The following HIP1R variants were observed in gnomAD, a reference collection of about 807,000 sequenced individuals.
HIP1R encodes huntingtin interacting protein 1 related.
A neutral mutation model predicts 144.2 loss-of-function variants in HIP1R; 135 were observed. The ratio of observed to expected loss-of-function variants is 0.94; its 90% confidence interval spans 0.81 to 1.08. The LOEUF (loss-of-function observed/expected upper bound fraction) is 1.08, where lower values mean the gene tolerates loss of function less well. Among genes scored for constraint, HIP1R ranks in the 50% least tolerant of loss-of-function variants. The pLI is 0.00. For missense variants in HIP1R, 1,462 were observed against 1,432.8 expected (o/e 1.02, Z -0.33); for synonymous variants, 698 against 612.8 (o/e 1.14, Z -2.05).
At position 122,862,351 on chromosome 12, in the gene HIP1R, T is replaced by TG. The variant is rs1374224465; in HGVS notation, c.*601dup. On this transcript the variant is annotated 3_prime_UTR_variant, in exon 32 of 32. Coordinates refer to ENST00000253083, the MANE Select transcript of HIP1R (RefSeq NM_003959.3). ...AGGCCTGGCCCTCGGGCCTCCGTGA[T>TG]GGGAGCCCCCCAGGAGGGGTCAGAT... 7 of 152,412 alleles carry TG rather than the reference T, an allele frequency of 4.6e-5. No individual in the cohort carries two copies. Among genetic ancestry groups the TG allele is most frequent in the Admixed American group, 2.0e-4 (3 of 15,290 alleles). The allele number at this position is 152,412 out of a possible 1,614,324, so 9.4% of individuals were successfully genotyped here.
In HIP1R at chr12:122,848,104, G is replaced by A; in HGVS notation, c.157+10G>A. Reference sequence around the variant, plus strand: ...GAGAAGCACGCCCGGCGTATCCTTGGCCGGCTCTTGGACCCAGGAGTTGGG... The same window carrying A: ...GAGAAGCACGCCCGGCGTATCCTTGACCGGCTCTTGGACCCAGGAGTTGGG... On this transcript the variant is annotated intron_variant, in intron 2 of 31. Coordinates refer to ENST00000253083, the MANE Select transcript of HIP1R (RefSeq NM_003959.3). 1 of 1,613,158 alleles carries A rather than the reference G, an allele frequency of 6.2e-7. No homozygotes were observed. The highest frequency in any genetic ancestry group is 8.5e-7 in the Non-Finnish European group (1 of 1,179,832).
At chr12:122,843,246 C>T (rs1178839747) in intron 1 of HIP1R, among the ~76,000 whole-genome samples, 1 of 152,196 alleles carries the variant, frequency 6.6e-6, no homozygotes, top group Non-Finnish European at 1.5e-5. Flanking sequence ...CTGGGAGGGG[C>T]CTGAGGGGCT....
At chr12:122,846,076 C>T (rs1020146799) in intron 1 of HIP1R, among the ~76,000 whole-genome samples, 2 of 152,222 alleles carry the variant, frequency 1.3e-5, no homozygotes, top group Non-Finnish European at 2.9e-5. Context: ...GGTGGCAGCT[C>T]AGGTGTCGGC....
At chr12:122,851,087 T>G in intron 6 of HIP1R, 149 bp from the exon 7 acceptor site, 1 of 855,408 alleles carries the variant, frequency 1.2e-6, no homozygotes. Flanking sequence ...TGGGGTGTAC[T>G]TGAAGGACTG....
chr12:122,841,860 A>G (rs1301674369), intron 1 of HIP1R, among the ~76,000 whole-genome samples: 1 of 152,128 alleles, frequency 6.6e-6, no homozygotes, highest in African/African-American at 2.4e-5. Context: ...CAACATTGTA[A>G]CCAGTGTCCT....
At position 122,838,288 on chromosome 12, in the gene HIP1R, G is replaced by A. The variant is rs570906669; in HGVS notation, c.93+2645G>A. Among the ~76,000 whole-genome samples the A allele has an allele frequency of 4.0e-5, 6 of 151,098 alleles. No individual in the cohort carries two copies. The East Asian group carries it at 1.2e-3, about 29-fold the overall frequency. On this transcript the variant is annotated intron_variant, in intron 1 of 31. Transcript: ENST00000253083. The stretch of plus-strand genomic sequence containing the variant: ...GGGAATGTCCAGAAAACCAGTGTAT[G>A]CTTTTCTTCCCTATGACTTTAGTCC...
rs1266602623 is a variant in HIP1R, at chr12:122,856,294, A to G, written c.1351A>G (p.Lys451Glu). ...CACGGAGGCGCGCTACAACAAGCTGAAGGAAAAGCACAGTGAGCTCGTCCA... is the reference window on the plus strand; with the variant it reads ...CACGGAGGCGCGCTACAACAAGCTGGAGGAAAAGCACAGTGAGCTCGTCCA... Reference protein sequence around the residue: ...SATEARYNKLKEKHSELVHVH... With the variant: ...SATEARYNKLEEKHSELVHVH... The change falls in exon 15 of 32, where the codon AAG (lysine) becomes GAG (glutamate). Residue 451 changes from lysine to glutamate, a missense_variant. Lys to Glu is a moderately conservative substitution (Grantham distance 56). This residue lies in a region of HIP1R where 1,112 missense variants were observed against 1,011.7 expected (regional missense o/e 1.10). Transcript: ENST00000253083. 1 of 1,613,726 alleles carries G rather than the reference A, an allele frequency of 6.2e-7. No homozygotes were observed. Among genetic ancestry groups the G allele is most frequent in the Non-Finnish European group, 8.5e-7 (1 of 1,179,974 alleles).
In HIP1R at chr12:122,835,642, A is replaced by G. The variant is rs1209327613; in HGVS notation, c.92A>G (p.Gln31Arg). The G allele has an allele frequency of 1.8e-6, 2 of 1,099,560 alleles. No individual in the cohort carries two copies. Among genetic ancestry groups the G allele is most frequent in the Non-Finnish European group, 1.1e-6 (1 of 907,860 alleles). 68.1% of individuals were successfully genotyped at this position (1,099,560 alleles called of 1,614,324 possible). The change falls in exon 1 of 32, where the codon CAG becomes CGG. Residue 31 changes from glutamine to arginine, a missense_variant and splice_region_variant. Gln to Arg is a conservative substitution (Grantham distance 43). This residue lies in a region of HIP1R where 350 missense variants were observed against 421.1 expected (regional missense o/e 0.83). Transcript: ENST00000253083. ...GAGCGCGAGCAGTTCGACAAGACCC[A>G]GGCGAGCGGGCGGCGGGCGGCGGGC... ...EAEREQFDKTQAISISKAINT... is the reference protein window; with the variant it reads ...EAEREQFDKTRAISISKAINT...
At chr12:122,847,457 A>C (rs987215413) in intron 1 of HIP1R, among the ~76,000 whole-genome samples, 1 of 152,212 alleles carries the variant, frequency 6.6e-6, no homozygotes, top group African/African-American at 2.4e-5. Flanking sequence ...TGCAGGTGGC[A>C]GCAGGAGCTT....
At chr12:122,857,750 G>A (rs1358584939) in intron 18 of HIP1R, 4 of 276,556 alleles carry the variant, frequency 1.4e-5, no homozygotes, top group Non-Finnish European at 2.7e-5. Flanking sequence ...GCTTATTATT[G>A]TCTTCTTTTT....
At chr12:122,857,273 G>A (rs777423723) in intron 18 of HIP1R, 58 bp downstream of exon 18, 229 of 1,465,574 alleles carry the variant, frequency 1.6e-4, no homozygotes, top group Admixed American at 2.0e-4. Flanking sequence ...GGCAACCATC[G>A]ATCTGTCTCC....
chr12:122,853,134 A>G (rs940374206), intron 7 of HIP1R, among the ~76,000 whole-genome samples: 3 of 152,132 alleles, frequency 2.0e-5, no homozygotes, highest in African/African-American at 7.2e-5. Context: ...TCTCTGCCCC[A>G]GAGAAGCTGC....
At chr12:122,860,019 C>T (rs768632856) in intron 24 of HIP1R, 28 bp from the exon 25 acceptor site, 4 of 1,545,060 alleles carry the variant, frequency 2.6e-6, no homozygotes, top group Middle Eastern at 1.8e-4. Flanking sequence ...TGCAGAGCGG[C>T]AGCTAAGTCT....
At chr12:122,860,878 T>C in intron 28 of HIP1R, 38 bp from the exon 29 acceptor site, 2 of 1,600,220 alleles carry the variant, frequency 1.2e-6, no homozygotes, top group Non-Finnish European at 1.7e-6. Context: ...TGCCCTGAGC[T>C]GGGAGACCTG....
At chr12:122,861,065 T>C in intron 29 of HIP1R, 26 bp downstream of exon 29, 2 of 1,613,538 alleles carry the variant, frequency 1.2e-6, no homozygotes, top group Non-Finnish European at 1.7e-6. Context: ...CAACGGGGGC[T>C]GCTGGCTCCC....
rs148689253 is a variant in HIP1R, at chr12:122,855,893, T to G, written c.1118T>G (p.Ile373Ser). 118 of 972,102 alleles carry G rather than the reference T, an allele frequency of 1.2e-4. No homozygotes were observed. In the African/African-American group the frequency reaches 2.3e-3, roughly 19 times the overall value. 60.2% of individuals were successfully genotyped at this position (972,102 alleles called of 1,614,324 possible). Residue 373 changes from isoleucine to serine, a missense_variant, in exon 13 of 32, where the codon ATC becomes AGC. By Grantham distance (142) the Ile-to-Ser change is moderately radical. Coordinates refer to ENST00000253083, the MANE Select transcript of HIP1R (RefSeq NM_003959.3). ...ATGCTCCGCTCTGAACTGGAGAAGA[T>G]CAAGCTGGAGGTGCGGGGTGGGGAT... ...VEMLRSELEK[I>S]KLEAQRYIAQ...
At position 122,851,319 on chromosome 12, in the gene HIP1R, C is replaced by T. The variant is rs368779428; in HGVS notation, c.577+22C>T. Reference sequence around the variant, plus strand: ...TCAGGTGAGCCGTAAAGAGGGGATGCGGGGGTCTGAGTGTATTGCTAAGTC... The same window carrying T: ...TCAGGTGAGCCGTAAAGAGGGGATGTGGGGGTCTGAGTGTATTGCTAAGTC... On this transcript the variant is annotated intron_variant, in intron 7 of 31. Transcript: ENST00000253083. 4.1e-5 allele frequency: 62 copies of T among 1,521,730 alleles called. No individual in the cohort carries two copies. In the Middle Eastern group the frequency reaches 9.5e-4, roughly 23 times the overall value. 94.3% of individuals were successfully genotyped at this position (1,521,730 alleles called of 1,614,324 possible).
Position 122,860,623 on chromosome 12 carries a change from G to C in HIP1R, c.2661-56G>C, listed in dbSNP as rs982951223. On this transcript the variant is annotated intron_variant, in intron 27 of 31. Coordinates refer to ENST00000253083, the MANE Select transcript of HIP1R (RefSeq NM_003959.3). The stretch of plus-strand genomic sequence containing the variant: ...CAGGGAGTAGAGGGGGTGTGGAGTG[G>C]TGCCAGCCGTCCGTGGGGTCAGAGA... 10 of 1,571,936 alleles carry C rather than the reference G, an allele frequency of 6.4e-6. No homozygotes were observed. The Admixed American group carries it at 1.0e-4, about 16-fold the overall frequency.
intron 5 of HIP1R, 64 bp downstream of exon 5, chr12:122,850,019 G>A (rs755220709): frequency 6.5e-6 from 7 of 1,084,220 alleles, no homozygotes; most frequent in African/African-American, 1.5e-5. Flanking sequence ...GTGACGTTAT[G>A]GCACATGTTG....
Sources: allele counts gnomAD v4.1 joint callset (sites outside exome capture counted in the v4.1 genomes callset), GRCh38; gene constraint gnomAD v4.1.1; regional missense constraint gnomAD v4.1.1; transcripts MANE v1.5; gene names NCBI Gene and HGNC (gene_info 2026-07-23, HGNC 2026-07-21).